The following ZNF329 variants were observed in gnomAD, a reference collection of about 807,000 sequenced individuals.
ZNF329 encodes zinc finger protein 329.
Under a neutral mutation model 26.6 loss-of-function variants are expected in ZNF329, and 15 were observed. The observed-to-expected ratio is 0.56, with a 90% confidence interval of 0.38 to 0.87. The LOEUF is 0.87. Among genes scored for constraint, ZNF329 ranks in the 40% least tolerant of loss-of-function variants. The pLI, the probability that ZNF329 is intolerant of heterozygous loss-of-function variation, is 0.00. For synonymous variants in ZNF329, 239 were observed against 233.5 expected, an observed-to-expected ratio of 1.02 and a Z score of -0.21; for missense variants, 651 against 651.9, an observed-to-expected ratio of 1.00 and a Z score of 0.02.
intron 3 of ZNF329, among the ~76,000 whole-genome samples, chr19:58,141,483 C>T (rs1336196873): frequency 2.6e-5 from 4 of 152,098 alleles, no homozygotes; most frequent in Admixed American, 6.5e-5. Flanking sequence ...TCAGTAGAGA[C>T]GGGGTTTCTC....
chr19:58,130,337 A>G (rs1014662100), intron 3 of ZNF329, among the ~76,000 whole-genome samples: 3 of 151,450 alleles, frequency 2.0e-5, no homozygotes, highest in African/African-American at 7.3e-5. Context: ...AACAAAACAA[A>G]ACAAAAACTG....
rs959369146 is a variant in ZNF329 at position 58,150,742 on chromosome 19, C to G, written c.-208+10G>C. The G allele has an allele frequency of 2.0e-5, 3 of 152,724 alleles. No homozygotes were observed. The highest frequency in any genetic ancestry group is 7.2e-5 in the African/African-American group (3 of 41,472). 9.5% of individuals were successfully genotyped at this position (152,724 alleles called of 1,614,324 possible). On this transcript the variant is annotated intron_variant, in intron 1 of 3. Coordinates refer to ENST00000598312, the MANE Select transcript of ZNF329 (RefSeq NM_024620.4). ...GGCAGCGCAGGGCTCAGGGATGCGTCGGCACTTACGGTTGGCGGCCGGCGG... is the reference window on the plus strand; with the variant it reads ...GGCAGCGCAGGGCTCAGGGATGCGTGGGCACTTACGGTTGGCGGCCGGCGG...
In ZNF329 at chr19:58,135,195, C is replaced by A. The variant is rs535665442; in HGVS notation, c.-8-5684G>T. On this transcript the variant is annotated intron_variant, in intron 3 of 3. Transcript: ENST00000598312. ...CTCCAGAGCACAAGCGATCCTCCTG[C>A]CTCAGCTTCATGAGTAGCTGGGACT... 1.7e-4 allele frequency among the ~76,000 whole-genome samples: 26 copies of A among 152,300 alleles called. No homozygotes were observed. In the South Asian group the frequency reaches 2.3e-3, roughly 13 times the overall value.
Position 58,129,247 on chromosome 19 carries a change from A to G in ZNF329, c.257T>C (p.Leu86Pro). Residue 86 changes from leucine (L) to proline (P), a missense_variant, in exon 4 of 4, where the codon CTG (leucine) becomes CCG (proline). Coordinates refer to ENST00000598312, the MANE Select transcript of ZNF329 (RefSeq NM_024620.4). ...SSDLPPSQRV[L>P]ATNGFHAPDS... ...AGGTGCATGGAAACCATTTGTTGCC[A>G]GAACTCTCTGAGACGGTGGAAGGTC... 6.2e-7 allele frequency: 1 copy of G among 1,614,248 alleles called. No homozygotes were observed. The highest frequency in any genetic ancestry group is 8.5e-7 in the Non-Finnish European group (1 of 1,180,052).
At chr19:58,140,878 T>TTC (rs1289695489) in intron 3 of ZNF329, among the ~76,000 whole-genome samples, 13 of 149,574 alleles carry the variant, frequency 8.7e-5, no homozygotes, top group African/African-American at 3.2e-4. Flanking sequence ...CACATAATTT[T>TTC]TTTTTTTTTT....
At chr19:58,144,380 C>CTATA (rs913740807) in intron 1 of ZNF329, among the ~76,000 whole-genome samples, 4 of 66,770 alleles carry the variant, frequency 6.0e-5, no homozygotes, top group East Asian at 6.2e-4. Flanking sequence ...ATCTATCTAT[C>CTATA]TATATATATA....
intron 1 of ZNF329, among the ~76,000 whole-genome samples, chr19:58,147,434 C>A (rs1466981891): frequency 6.8e-6 from 1 of 147,512 alleles, no homozygotes; most frequent in Non-Finnish European, 1.5e-5. Flanking sequence ...GGCCAGCCCC[C>A]CGCCCGGCCA....
chr19:58,136,328 G>GC (rs1298068594), intron 3 of ZNF329, among the ~76,000 whole-genome samples: 1 of 151,992 alleles, frequency 6.6e-6, no homozygotes, highest in African/African-American at 2.4e-5. Flanking sequence ...AATGCAGAAT[G>GC]CAGCTAATAG....
rs1370018656 is a variant in ZNF329 at position 58,129,191 on chromosome 19, G to T, written c.313C>A (p.Pro105Thr). The T allele has an allele frequency of 6.2e-7, 1 of 1,613,974 alleles. No individual in the cohort carries two copies. The highest frequency in any genetic ancestry group is 1.3e-5 in the African/African-American group (1 of 74,886). ...CTTTTAGGATAGCTGGGTAAGGCGG[G>T]GTCACAATCCAGACCACTAACATTT... The part of the protein sequence containing the change: ...DSNVSGLDCD[P>T]ALPSYPKSYA... The change falls in exon 4 of 4, where the codon CCC (proline) becomes ACC (threonine). Residue 105 changes from proline to threonine, a missense_variant. Coordinates refer to ENST00000598312, the MANE Select transcript of ZNF329 (RefSeq NM_024620.4).
intron 3 of ZNF329, among the ~76,000 whole-genome samples, chr19:58,138,438 T>C (rs529763929): frequency 6.6e-6 from 1 of 152,334 alleles, no homozygotes; most frequent in South Asian, 2.1e-4. Flanking sequence ...CCTTAGACAC[T>C]TGCTATGTAC....
At chr19:58,146,000 G>GAAAAAA (rs36035684) in intron 1 of ZNF329, among the ~76,000 whole-genome samples, 1 of 123,232 alleles carries the variant, frequency 8.1e-6, no homozygotes. Flanking sequence ...TCAATTTCAT[G>GAAAAAA]AAAAAAAAAA....
upstream of ZNF329, among the ~76,000 whole-genome samples, chr19:58,152,813 T>C (rs1353525376): frequency 6.6e-6 from 1 of 151,892 alleles, no homozygotes; most frequent in East Asian, 1.9e-4. Flanking sequence ...GCTGAGATCG[T>C]GCCACTGCAC....
At position 58,129,052 on chromosome 19, in the gene ZNF329, T is replaced by C. The variant is rs1294986453; in HGVS notation, c.452A>G (p.Glu151Gly). 3 of 1,613,962 alleles carry C rather than the reference T, an allele frequency of 1.9e-6. No homozygotes were observed. Among genetic ancestry groups the C allele is most frequent in the Admixed American group, 1.7e-5 (1 of 59,998 alleles). The change falls in exon 4 of 4, where the codon GAA becomes GGA. Residue 151 changes from glutamate to glycine, a missense_variant. Coordinates refer to ENST00000598312, the MANE Select transcript of ZNF329 (RefSeq NM_024620.4). ...AAAATGATTAAAAGACTTAACACTT[T>C]CAGGGTATTTGTAGGGCTTCTCTCT... ...PVREKPYKYP[E>G]SVKSFNHFTS...
intron 1 of ZNF329, among the ~76,000 whole-genome samples, chr19:58,145,336 TTTG>T (rs1279527967): frequency 1.5e-5 from 2 of 130,154 alleles, no homozygotes; most frequent in Non-Finnish European, 3.4e-5. Flanking sequence ...TTTTTTTTTT[TTTG>T]GAGACAGTGC....
At chr19:58,143,806 C>T (rs1038252521) in intron 1 of ZNF329, among the ~76,000 whole-genome samples, 4 of 152,002 alleles carry the variant, frequency 2.6e-5, no homozygotes, top group Admixed American at 2.6e-4. Flanking sequence ...CTAGGCTGGG[C>T]GCAGTGGCTC....
chr19:58,144,380 C>CTATCTATCTA (rs1308385549), intron 1 of ZNF329, among the ~76,000 whole-genome samples: 1 of 66,770 alleles, frequency 1.5e-5, no homozygotes, highest in African/African-American at 6.5e-5. Context: ...ATCTATCTAT[C>CTATCTATCTA]TATATATATA....
intron 1 of ZNF329, among the ~76,000 whole-genome samples, chr19:58,145,148 C>T (rs1005234576): frequency 2.0e-5 from 3 of 149,826 alleles, no homozygotes; most frequent in Non-Finnish European, 4.4e-5. Context: ...CGCGCCTGGC[C>T]ATTTTTTTTT....
intron 1 of ZNF329, among the ~76,000 whole-genome samples, chr19:58,147,124 G>A (rs1475282431): frequency 2.0e-5 from 3 of 151,134 alleles, no homozygotes; most frequent in African/African-American, 4.9e-5. Context: ...CTGCCCGGCC[G>A]CCCATCGTCT....
chr19:58,145,265 A>T (rs2075281624), intron 1 of ZNF329, among the ~76,000 whole-genome samples: 1 of 147,780 alleles, frequency 6.8e-6, no homozygotes, highest in African/African-American at 2.5e-5. Flanking sequence ...GCTGGGATTA[A>T]GGCGTGAGCC....
Sources: gnomAD v4.1 joint callset for allele counts (sites outside exome capture counted in the v4.1 genomes callset) on GRCh38, gnomAD v4.1.1 for gene constraint, MANE v1.5 for transcripts, NCBI Gene and HGNC (gene_info 2026-07-23, HGNC 2026-07-21) for gene names.